The following SLCO3A1 variants were observed in gnomAD, a reference collection of about 807,000 sequenced individuals.
SLCO3A1 encodes PGE1 transporter.
SLCO3A1 carries 27 observed loss-of-function variants against 63.1 expected under a neutral mutation model. That is an observed-to-expected ratio of 0.43 (90% CI 0.32 to 0.59). The LOEUF is 0.59. Ranked by LOEUF, SLCO3A1 falls within the 20% of genes least tolerant of loss-of-function variation. The pLI, the probability that SLCO3A1 is intolerant of heterozygous loss-of-function variation, is 0.09. For synonymous variants in SLCO3A1, 473 were observed against 409.9 expected (o/e 1.15, Z -1.86); for missense variants, 773 against 945.8 (o/e 0.82, Z 2.40).
intron 2 of SLCO3A1, among the ~76,000 whole-genome samples, chr15:92,011,384 C>G (rs1310028081): frequency 6.6e-6 from 1 of 152,210 alleles, no homozygotes; most frequent in African/African-American, 2.4e-5. Flanking sequence ...TTTGAGATTA[C>G]AATGCCTTAT....
intron 2 of SLCO3A1, among the ~76,000 whole-genome samples, chr15:92,013,733 G>A (rs186975091): frequency 7.2e-4 from 109 of 152,342 alleles, no homozygotes; most frequent in Non-Finnish European, 1.5e-3. Flanking sequence ...GCCCTTTAGA[G>A]GTCCTGCTGG....
intron 2 of SLCO3A1, among the ~76,000 whole-genome samples, chr15:92,075,860 T>C (rs1189787773): frequency 6.6e-6 from 1 of 152,192 alleles, no homozygotes; most frequent in Admixed American, 6.5e-5. Flanking sequence ...CTCTCTCATA[T>C]AGTGAGTGAG....
rs773404658 is a variant in SLCO3A1, at chr15:92,146,941, C to T, written c.1513-43C>T. ...GATGGATGGCTTTGCCTTTGGAAAC[C>T]GGAAGTACCCCCAGATAAAAGGGCT... On this transcript the variant is annotated intron_variant, in intron 7 of 9. Transcript: ENST00000318445. 7 of 1,545,248 alleles carry T rather than the reference C, an allele frequency of 4.5e-6. No homozygotes were observed. The Admixed American group carries it at 6.0e-5, about 13-fold the overall frequency.
chr15:92,084,808 TGGAAG>T (rs903761160), intron 2 of SLCO3A1, among the ~76,000 whole-genome samples: 1 of 152,184 alleles, frequency 6.6e-6, no homozygotes, highest in African/African-American at 2.4e-5. Context: ...AAGGTTCACA[TGGAAG>T]GGTCAACATT....
Position 91,894,990 on chromosome 15 carries a change from G to T in SLCO3A1, c.181-21003G>T, listed in dbSNP as rs189209266. ...GAGTCTCCAGAGACTCAAGGCATTT[G>T]CTTTGTGAGGACACAGAAGTCCCTG... On this transcript the variant is annotated intron_variant, in intron 1 of 9. Coordinates refer to ENST00000318445, the MANE Select transcript of SLCO3A1 (RefSeq NM_013272.4). This position sits in a 1 kb window ranked among gnomAD's most constrained non-coding sequence, Gnocchi z 4.8. Among the ~76,000 whole-genome samples the T allele has an allele frequency of 6.6e-6, 1 of 152,330 alleles. No homozygotes were observed. Among genetic ancestry groups the T allele is most frequent in the East Asian group, 1.9e-4 (1 of 5,180 alleles).
intron 2 of SLCO3A1, among the ~76,000 whole-genome samples, chr15:92,088,482 A>G (rs564999778): frequency 1.4e-4 from 22 of 152,338 alleles, no homozygotes; most frequent in African/African-American, 4.8e-4. Flanking sequence ...TAACGATTGT[A>G]TTAGTTTTCT....
intron 2 of SLCO3A1, among the ~76,000 whole-genome samples, chr15:92,008,075 C>T (rs1238839653): frequency 6.6e-6 from 1 of 152,154 alleles, no homozygotes; most frequent in Non-Finnish European, 1.5e-5. Flanking sequence ...TCACAGGTGC[C>T]ATTGCTTGAA....
intron 2 of SLCO3A1, among the ~76,000 whole-genome samples, chr15:92,082,232 T>C (rs767955166): frequency 3.9e-5 from 6 of 152,228 alleles, no homozygotes; most frequent in Non-Finnish European, 8.8e-5. Context: ...GATCATGTTT[T>C]ATTCATGCAC....
Position 91,942,148 on chromosome 15 carries a change from T to C in SLCO3A1, c.646+25690T>C, listed in dbSNP as rs540032143. Among the ~76,000 whole-genome samples, 69 of 152,330 alleles carry C rather than the reference T, an allele frequency of 4.5e-4. No homozygotes were observed. Among genetic ancestry groups the C allele is most frequent in the African/African-American group, 1.7e-3 (69 of 41,562 alleles). On this transcript the variant is annotated intron_variant, in intron 2 of 9. Transcript: ENST00000318445. This position sits in a 1 kb window ranked among gnomAD's most constrained non-coding sequence, Gnocchi z 4.1. ...AATCATAATTTTGGATCACGGCAGCTTTTCTTATTAAAATTTTACTTGTAG... is the reference window on the plus strand; with the variant it reads ...AATCATAATTTTGGATCACGGCAGCCTTTCTTATTAAAATTTTACTTGTAG...
chr15:91,886,496 T>C lies in SLCO3A1; in HGVS notation c.181-29497T>C, dbSNP rs1444605713. On this transcript the variant is annotated intron_variant, in intron 1 of 9. Transcript: ENST00000318445. The surrounding 1 kb of genome is among the most constrained non-coding windows in gnomAD (Gnocchi z 4.9). The stretch of plus-strand genomic sequence containing the variant: ...CATGCCTAGAAGGCCCCAGTGAGCA[T>C]TGACTTGGACCTGGTGATTTTCCTC... Among the ~76,000 whole-genome samples, 1 of 152,176 alleles carries C rather than the reference T, an allele frequency of 6.6e-6. No individual in the cohort carries two copies. Among genetic ancestry groups the C allele is most frequent in the Non-Finnish European group, 1.5e-5 (1 of 68,036 alleles).
rs2047023524 is a variant in SLCO3A1 at position 92,056,517 on chromosome 15, T to G, written c.647-38364T>G. ...ATCATTTGTCACTGGAAATTCTAAG[T>G]TGATCCAAGGGTTCTCTTTTAAACT... On this transcript the variant is annotated intron_variant, in intron 2 of 9. Coordinates refer to ENST00000318445, the MANE Select transcript of SLCO3A1 (RefSeq NM_013272.4). Among the ~76,000 whole-genome samples the G allele has an allele frequency of 2.0e-5, 3 of 152,364 alleles. No homozygotes were observed. The South Asian group carries it at 6.2e-4, about 32-fold the overall frequency.
intron 1 of SLCO3A1, among the ~76,000 whole-genome samples, chr15:91,913,118 C>T (rs913515686): frequency 2.6e-5 from 4 of 152,228 alleles, no homozygotes; most frequent in South Asian, 4.1e-4. Flanking sequence ...AGCTAAACTT[C>T]GTTTCTGAAC....
intron 2 of SLCO3A1, among the ~76,000 whole-genome samples, chr15:91,971,230 C>T (rs950822654): frequency 6.6e-6 from 1 of 151,546 alleles, no homozygotes; most frequent in Non-Finnish European, 1.5e-5. Flanking sequence ...TCCATCTCTA[C>T]TAAAAATACA....
At chr15:92,049,379 T>G (rs2046929631) in intron 2 of SLCO3A1, among the ~76,000 whole-genome samples, 1 of 152,156 alleles carries the variant, frequency 6.6e-6, no homozygotes, top group Non-Finnish European at 1.5e-5. Context: ...AAGCGGTGTG[T>G]GTTCAGGGTG....
chr15:92,037,807 G>T (rs902218623), intron 2 of SLCO3A1, among the ~76,000 whole-genome samples: 1 of 152,142 alleles, frequency 6.6e-6, no homozygotes, highest in African/African-American at 2.4e-5. Flanking sequence ...CCTTCAGCTG[G>T]TTTTTAATTT....
intron 3 of SLCO3A1, 73 bp from the exon 4 acceptor site, chr15:92,104,206 T>C: frequency 6.5e-7 from 1 of 1,548,792 alleles, no homozygotes; most frequent in Non-Finnish European, 8.8e-7. Context: ...GTTCAGCGGA[T>C]TCAGATTCTC....
chr15:91,878,712 C>T (rs1462030240), intron 1 of SLCO3A1, among the ~76,000 whole-genome samples: 2 of 152,086 alleles, frequency 1.3e-5, no homozygotes, highest in African/African-American at 2.4e-5. Context: ...CAACTCAAAG[C>T]GTAGATTTTC....
intron 2 of SLCO3A1, among the ~76,000 whole-genome samples, chr15:92,057,023 G>C (rs947222190): frequency 6.6e-6 from 1 of 152,220 alleles, no homozygotes; most frequent in Non-Finnish European, 1.5e-5. Flanking sequence ...AGGTCTCCCT[G>C]TCTGTGCCCT....
intron 2 of SLCO3A1, among the ~76,000 whole-genome samples, chr15:92,034,083 G>T (rs147042293): frequency 4.1e-5 from 6 of 146,958 alleles, no homozygotes; most frequent in African/African-American, 1.5e-4. Context: ...GCAGAGAAGC[G>T]ACATGGTCTG....
Sources: gnomAD v4.1 joint callset for allele counts (sites outside exome capture counted in the v4.1 genomes callset) on GRCh38, gnomAD v4.1.1 for gene constraint, Gnocchi (gnomAD v3.1) non-coding constraint, MANE v1.5 for transcripts, NCBI Gene and HGNC (gene_info 2026-07-23, HGNC 2026-07-21) for gene names.